INSL6: variants seen among roughly 807,000 people sequenced by gnomAD.
The protein encoded by INSL6 is insulin like 6.
INSL6 carries 16 observed loss-of-function variants against 9.4 expected under a neutral mutation model. The observed-to-expected ratio is 1.70, with a 90% CI of 1.15 to 2.59. INSL6 has a LOEUF of 2.59. Among genes scored for constraint, INSL6 ranks in the 30% most tolerant of loss-of-function variants. The pLI, the probability that INSL6 is intolerant of heterozygous loss-of-function variation, is 0.00. For missense variants in INSL6, 391 were observed against 257.3 expected, an observed-to-expected ratio of 1.52 and a Z score of -3.56; for synonymous variants, 154 against 96.9, an observed-to-expected ratio of 1.59 and a Z score of -3.46.
chr9:5,068,174 CAAA>C, the INSL6 span, among the ~76,000 whole-genome samples: 22 of 136,238 alleles, frequency 1.6e-4, no homozygotes, highest in Admixed American at 2.9e-4. Context: ...AAAACAACAA[CAAA>C]AAAAAAAAAA....
intron 1 of INSL6, among the ~76,000 whole-genome samples, chr9:5,180,572 T>C (rs908645274): frequency 6.6e-6 from 1 of 152,122 alleles, no homozygotes; most frequent in Non-Finnish European, 1.5e-5. Context: ...CTGTCTTATG[T>C]CGTTGACATA....
intron 1 of INSL6, among the ~76,000 whole-genome samples, 185 bp downstream of exon 1, chr9:5,185,129 T>G (rs1438402984): frequency 6.6e-6 from 1 of 151,792 alleles, no homozygotes; most frequent in Non-Finnish European, 1.5e-5. Context: ...TTCCTCCAAG[T>G]TAAAAAAAAA....
intron 2 of INSL6, among the ~76,000 whole-genome samples, chr9:5,135,684 T>C (rs950054012): frequency 8.5e-5 from 13 of 152,068 alleles, no homozygotes; most frequent in African/African-American, 2.4e-4. Flanking sequence ...AGAGCTAACA[T>C]TGACACCCTA....
the INSL6 span, among the ~76,000 whole-genome samples, chr9:5,095,924 G>T: frequency 1.3e-5 from 2 of 152,112 alleles, no homozygotes; most frequent in Non-Finnish European, 2.9e-5. Context: ...TCTCACACTT[G>T]AAACAAATTA....
the INSL6 span, among the ~76,000 whole-genome samples, chr9:5,059,052 G>A: frequency 2.0e-5 from 3 of 152,002 alleles, no homozygotes; most frequent in Non-Finnish European, 4.4e-5. Flanking sequence ...AACTTTTGTT[G>A]CCTATTTTTC....
At chr9:5,001,864 C>G in the INSL6 span, among the ~76,000 whole-genome samples, 1 of 152,064 alleles carries the variant, frequency 6.6e-6, no homozygotes, top group Non-Finnish European at 1.5e-5. Flanking sequence ...AGATATGATA[C>G]TATTCAAGGT....
the INSL6 span, among the ~76,000 whole-genome samples, chr9:5,024,908 C>G: frequency 6.6e-6 from 1 of 152,206 alleles, no homozygotes; most frequent in Non-Finnish European, 1.5e-5. Context: ...GAGTTTCACA[C>G]TGGGAGCACC....
the INSL6 span, among the ~76,000 whole-genome samples, chr9:5,068,138 G>A: frequency 7.5e-3 from 1,043 of 138,382 alleles, 9 homozygotes; most frequent in African/African-American, 0.031. Context: ...CCAGCCTGGC[G>A]ACAGAGCGAG....
chr9:5,067,311 G>A, the INSL6 span, among the ~76,000 whole-genome samples: 1 of 152,076 alleles, frequency 6.6e-6, no homozygotes, highest in African/African-American at 2.4e-5. Flanking sequence ...CGGTAAAACT[G>A]CAATGAAACC....
At chr9:5,147,128 G>A (rs1824615125) in intron 2 of INSL6, among the ~76,000 whole-genome samples, 1 of 152,152 alleles carries the variant, frequency 6.6e-6, no homozygotes, top group Non-Finnish European at 1.5e-5. Context: ...CAGCACATCA[G>A]TTAGTTGCTG....
intron 1 of INSL6, among the ~76,000 whole-genome samples, chr9:5,184,091 G>C (rs1009132327): frequency 2.6e-5 from 4 of 152,152 alleles, no homozygotes; most frequent in Admixed American, 6.5e-5. Context: ...TCAGTCTCAT[G>C]GTTTCTGTCT....
intron 1 of INSL6, among the ~76,000 whole-genome samples, chr9:5,176,730 A>C (rs1825317560): frequency 6.6e-6 from 1 of 152,130 alleles, no homozygotes; most frequent in South Asian, 2.1e-4. Flanking sequence ...AAAAAAAAAA[A>C]AAATGGTATA....
the INSL6 span, chr9:5,114,636 A>G: frequency 2.1e-6 from 1 of 476,448 alleles, no homozygotes; most frequent in Non-Finnish European, 4.1e-6. Flanking sequence ...CACTTGGCAC[A>G]GCATGACGCA....
At chr9:5,107,073 C>A in the INSL6 span, among the ~76,000 whole-genome samples, 2 of 152,090 alleles carry the variant, frequency 1.3e-5, no homozygotes, top group Non-Finnish European at 2.9e-5. Context: ...AGCACTTTGG[C>A]TTTGAAGCCA....
At chr9:5,145,465 TG>T (rs1318199780) in intron 2 of INSL6, among the ~76,000 whole-genome samples, 2 of 152,214 alleles carry the variant, frequency 1.3e-5, no homozygotes, top group East Asian at 3.8e-4. Context: ...AGTATCTTAC[TG>T]GGGTTGTCTG....
At chr9:5,080,130 C>G in the INSL6 span, 1 of 950,790 alleles carries the variant, frequency 1.1e-6, no homozygotes, top group East Asian at 2.5e-5. Context: ...GAAAATAGGC[C>G]TGATTATTCA....
intron 2 of INSL6, among the ~76,000 whole-genome samples, chr9:5,133,908 G>A (rs1235199336): frequency 6.6e-6 from 1 of 150,514 alleles, no homozygotes; most frequent in Non-Finnish European, 1.5e-5. Context: ...TGAGCTAAAG[G>A]AACATGTTCT....
At chr9:4,995,422 C>A in the INSL6 span, among the ~76,000 whole-genome samples, 1 of 152,184 alleles carries the variant, frequency 6.6e-6, no homozygotes, top group East Asian at 1.9e-4. Flanking sequence ...CTTGTTCCAT[C>A]TGGAATTTAT....
the INSL6 span, among the ~76,000 whole-genome samples, chr9:5,029,125 T>G: frequency 6.6e-6 from 1 of 152,204 alleles, no homozygotes; most frequent in Non-Finnish European, 1.5e-5. Context: ...GATATGAAAC[T>G]CTTTAATATA....
Sources: gnomAD v4.1 joint callset for allele counts (sites outside exome capture counted in the v4.1 genomes callset) on GRCh38, gnomAD v4.1.1 for gene constraint, MANE v1.5 for transcripts, NCBI Gene and HGNC (gene_info 2026-07-23, HGNC 2026-07-21) for gene names.